Variants in RIPK4 observed in about 807,000 individuals in gnomAD.
The protein encoded by RIPK4 is receptor-interacting serine/threonine-protein kinase 4.
A neutral mutation model predicts 42.9 loss-of-function variants in RIPK4; 17 were observed. That is an observed-to-expected ratio of 0.40 (90% CI 0.27 to 0.59). The LOEUF (loss-of-function observed/expected upper bound fraction) is 0.59. RIPK4 is among the 20% of genes least tolerant of loss of function. RIPK4 has a pLI of 0.47. For missense variants in RIPK4, 897 were observed against 1,104.4 expected (o/e 0.81, Z 2.66); for synonymous variants, 498 against 499.1 (o/e 1.00, Z 0.03).
Position 41,756,779 on chromosome 21 carries a change from C to T in RIPK4, c.220G>A (p.Glu74Lys), listed in dbSNP as rs970892093. The change falls in exon 2 of 8, where the codon GAG (glutamate) becomes AAG (lysine). Residue 74 changes from glutamate (E) to lysine (K), a missense_variant. Physicochemically the swap from Glu to Lys is moderately conservative, Grantham distance 56. Transcript: ENST00000332512. ...MELLEEAKKM[E>K]MAKFRYILPV... ...AGGATGTAGCGAAACTTGGCCATCTCCATCTTCTTGGCTTCTTCCAAAAGC... is the reference window on the plus strand; with the variant it reads ...AGGATGTAGCGAAACTTGGCCATCTTCATCTTCTTGGCTTCTTCCAAAAGC... The T allele has an allele frequency of 2.5e-6, 4 of 1,614,034 alleles. No homozygotes were observed. Among genetic ancestry groups the T allele is most frequent in the Admixed American group, 1.7e-5 (1 of 60,026 alleles).
At chr21:41,757,378 C>T (rs1268248332) in intron 1 of RIPK4, among the ~76,000 whole-genome samples, 1 of 151,864 alleles carries the variant, frequency 6.6e-6, no homozygotes, top group African/African-American at 2.4e-5. Context: ...AAAAATTAGC[C>T]GGGCATGGTG....
At chr21:41,763,896 G>C (rs921819208) in intron 1 of RIPK4, among the ~76,000 whole-genome samples, 12 of 152,082 alleles carry the variant, frequency 7.9e-5, no homozygotes, top group African/African-American at 2.9e-4. Flanking sequence ...GAGGAACGGG[G>C]CCTTTGGGAT....
intron 4 of RIPK4, among the ~76,000 whole-genome samples, chr21:41,748,588 G>A (rs1478233140): frequency 3.9e-5 from 6 of 152,240 alleles, no homozygotes; most frequent in East Asian, 3.8e-4. Flanking sequence ...GCGCAAGCAC[G>A]CGGGTACATG....
chr21:41,745,418 C>G (rs1235206846), intron 6 of RIPK4, among the ~76,000 whole-genome samples: 1 of 152,204 alleles, frequency 6.6e-6, no homozygotes, highest in Admixed American at 6.5e-5. Flanking sequence ...ATCCCCGAGC[C>G]AGGGGTGCAA....
intron 5 of RIPK4, chr21:41,746,097 G>T: frequency 1.4e-6 from 1 of 698,828 alleles, no homozygotes; most frequent in Non-Finnish European, 2.6e-6. Flanking sequence ...CCTTCCCCGG[G>T]GGAGCGCCAC....
chr21:41,765,114 T>G (rs1013131958), intron 1 of RIPK4, among the ~76,000 whole-genome samples: 1 of 152,196 alleles, frequency 6.6e-6, no homozygotes, highest in Non-Finnish European at 1.5e-5. Flanking sequence ...GGATGTGAGC[T>G]GGTGAGTCAG....
intron 4 of RIPK4, 99 bp from the exon 5 acceptor site, chr21:41,746,870 G>T: frequency 7.3e-7 from 1 of 1,378,578 alleles, no homozygotes; most frequent in South Asian, 1.4e-5. Flanking sequence ...CCACAATGGG[G>T]CCATCCCCAC....
In RIPK4 at chr21:41,761,718, C is replaced by A. The variant is rs1026880758; in HGVS notation, c.183-4902G>T. Among the ~76,000 whole-genome samples the A allele has an allele frequency of 9.8e-5, 15 of 152,346 alleles. No individual in the cohort carries two copies. The South Asian group carries it at 1.0e-3, about 11-fold the overall frequency. ...AGCCAAAGCTGACTGATAATAAACA[C>A]GTATTCTGAGAACAATGTCAATCAA... On this transcript the variant is annotated intron_variant, in intron 1 of 7. Transcript: ENST00000332512.
At chr21:41,752,736 G>A (rs2061192223) in intron 2 of RIPK4, among the ~76,000 whole-genome samples, 1 of 152,222 alleles carries the variant, frequency 6.6e-6, no homozygotes, top group African/African-American at 2.4e-5. Context: ...GTCATCAGTG[G>A]CTTGAAAGCC....
intron 1 of RIPK4, among the ~76,000 whole-genome samples, chr21:41,761,881 A>T (rs935575450): frequency 2.6e-5 from 4 of 152,174 alleles, no homozygotes. Context: ...CGACTCTAAC[A>T]GCTACGGGCT....
chr21:41,757,553 T>C (rs949939961), intron 1 of RIPK4, among the ~76,000 whole-genome samples: 52 of 150,398 alleles, frequency 3.5e-4, no homozygotes, highest in African/African-American at 1.1e-3. Context: ...TAACTAGTTA[T>C]GTTCAAGGAA....
intron 1 of RIPK4, among the ~76,000 whole-genome samples, chr21:41,757,998 C>CAAAAAA (rs530283443): frequency 2.3e-4 from 3 of 13,080 alleles, no homozygotes; most frequent in African/African-American, 1.3e-3. Context: ...GACTCCATAA[C>CAAAAAA]AAAAAAAAAA....
At chr21:41,763,115 C>G (rs143213992) in intron 1 of RIPK4, among the ~76,000 whole-genome samples, 2 of 152,118 alleles carry the variant, frequency 1.3e-5, no homozygotes, top group Non-Finnish European at 2.9e-5. Context: ...CCCCCTCCCC[C>G]GCAAAAGTGT....
In RIPK4 at chr21:41,740,937, C is replaced by G; in HGVS notation, c.2256G>C (p.Glu752Asp). The G allele has an allele frequency of 6.2e-7, 1 of 1,612,640 alleles. No homozygotes were observed. Among genetic ancestry groups the G allele is most frequent in the South Asian group, 1.1e-5 (1 of 91,072 alleles). The change falls in exon 8 of 8, where the codon GAG (glutamate) becomes GAC (aspartate). Residue 752 changes from glutamate to aspartate, a missense_variant. Glu to Asp is a conservative substitution (Grantham distance 45). Coordinates refer to ENST00000332512, the MANE Select transcript of RIPK4 (RefSeq NM_020639.3). ...TGTGGGCCCCATGCCTGAGCAGAGT[C>G]TCCACCGTCTGTGCGTGCCGGCCCT... Reference protein sequence around the residue: ...AAQGRHAQTVETLLRHGAHIN... With the variant: ...AAQGRHAQTVDTLLRHGAHIN...
intron 1 of RIPK4, 58 bp downstream of exon 1, chr21:41,766,802 C>T (rs2061238565): frequency 6.5e-7 from 1 of 1,540,798 alleles, no homozygotes; most frequent in Non-Finnish European, 8.8e-7. Flanking sequence ...CCAGAGCACC[C>T]CGACCCCGAC....
intron 1 of RIPK4, among the ~76,000 whole-genome samples, chr21:41,762,709 A>G (rs1281374538): frequency 6.6e-6 from 1 of 152,170 alleles, no homozygotes; most frequent in African/African-American, 2.4e-5. Flanking sequence ...TTTTCTCCTA[A>G]GCAGTGTTTC....
rs1014622365 is a variant in RIPK4 at position 41,746,653 on chromosome 21, C to T, written c.792G>A (p.Arg264=). The change falls in exon 5 of 8, where the codon CGG becomes CGA. Residue 264 remains arginine, a synonymous_variant. Transcript: ENST00000332512. ...ACSHLIRLMQ[R]CWQGDPRVRP... ...TAACTCGCGGATCCCCCTGCCAGCA[C>T]CGCTGCATGAGGCGTATCAGGTGGC... 1.9e-6 allele frequency: 3 copies of T among 1,611,078 alleles called. No individual in the cohort carries two copies. Among genetic ancestry groups the T allele is most frequent in the Middle Eastern group, 1.7e-4 (1 of 6,050 alleles).
intron 1 of RIPK4, among the ~76,000 whole-genome samples, chr21:41,765,042 C>T (rs1397017608): frequency 2.0e-5 from 3 of 152,226 alleles, no homozygotes; most frequent in Non-Finnish European, 2.9e-5. Flanking sequence ...GAGAAAGCCT[C>T]CCTCCAACCA....
At chr21:41,749,507 C>T (rs1310201199) in intron 3 of RIPK4, among the ~76,000 whole-genome samples, 2 of 152,212 alleles carry the variant, frequency 1.3e-5, no homozygotes, top group Non-Finnish European at 2.9e-5. Context: ...TGGGGAACAG[C>T]GCCTGTGTGC....
Sources: gnomAD v4.1 joint callset for allele counts (sites outside exome capture counted in the v4.1 genomes callset) on GRCh38, gnomAD v4.1.1 for gene constraint, MANE v1.5 for transcripts, NCBI Gene and HGNC (gene_info 2026-07-23, HGNC 2026-07-21) for gene names.